Variants in IRAK2 observed in about 807,000 individuals in gnomAD.
IRAK2 encodes interleukin-1 receptor-associated kinase-like 2.
Under a neutral mutation model 72.0 loss-of-function variants are expected in IRAK2, and 57 were observed. That is an observed-to-expected ratio of 0.79 (90% CI 0.64 to 0.99). IRAK2 has a LOEUF of 0.99. IRAK2 is among the 50% of genes least tolerant of loss of function. The probability of loss-of-function intolerance (pLI) is 0.00; values close to 1 mark genes in which losing one functional copy is unlikely to be tolerated. For synonymous variants in IRAK2, 293 were observed against 312.7 expected (o/e 0.94, Z 0.67); for missense variants, 790 against 794.4 (o/e 0.99, Z 0.07).
At chr3:10,240,408 G>A (rs1362723776) in intron 12 of IRAK2, among the ~76,000 whole-genome samples, 1 of 150,712 alleles carries the variant, frequency 6.6e-6, no homozygotes, top group Non-Finnish European at 1.5e-5. Flanking sequence ...AGTGAGCCGA[G>A]ATTGCACCAC....
chr3:10,205,654 T>C (rs1300436771), intron 3 of IRAK2, among the ~76,000 whole-genome samples: 1 of 152,202 alleles, frequency 6.6e-6, no homozygotes, highest in Non-Finnish European at 1.5e-5. Context: ...CGGTTCCCAG[T>C]GTGGGGCCCA....
At chr3:10,177,081 G>A (rs1696888976) in intron 1 of IRAK2, among the ~76,000 whole-genome samples, 2 of 152,134 alleles carry the variant, frequency 1.3e-5, no homozygotes, top group African/African-American at 4.8e-5. Flanking sequence ...GATTACAGGT[G>A]TGAGCCACCA....
intron 2 of IRAK2, among the ~76,000 whole-genome samples, chr3:10,187,322 A>G (rs890411184): frequency 4.6e-5 from 7 of 152,190 alleles, no homozygotes; most frequent in Non-Finnish European, 1.0e-4. Context: ...ACTAGTTGAA[A>G]AATAGTCCTC....
intron 6 of IRAK2, among the ~76,000 whole-genome samples, chr3:10,215,751 T>TATAC (rs1553625301): frequency 7.3e-5 from 11 of 150,026 alleles, no homozygotes; most frequent in African/African-American, 2.7e-4. Flanking sequence ...CTCACATGTG[T>TATAC]ACACACACAC....
At chr3:10,201,644 G>A (rs1202310535) in intron 3 of IRAK2, among the ~76,000 whole-genome samples, 3 of 152,178 alleles carry the variant, frequency 2.0e-5, no homozygotes, top group Admixed American at 1.3e-4. Flanking sequence ...AAGGGCTCAG[G>A]GACAGTTTCC....
intron 1 of IRAK2, among the ~76,000 whole-genome samples, chr3:10,171,352 C>T (rs1696791957): frequency 6.6e-6 from 1 of 152,128 alleles, no homozygotes; most frequent in African/African-American, 2.4e-5. Flanking sequence ...CCATGAAGCA[C>T]CCTCACAGTG....
Position 10,213,490 on chromosome 3 carries a change from T to G in IRAK2, c.730T>G (p.Cys244Gly), listed in dbSNP as rs748878307. 1.2e-6 allele frequency: 2 copies of G among 1,614,076 alleles called. No individual in the cohort carries two copies. Among genetic ancestry groups the G allele is most frequent in the Admixed American group, 1.7e-5 (1 of 60,012 alleles). Residue 244 changes from cysteine (C) to glycine (G), a missense_variant, in exon 6 of 13, where the codon TGT (cysteine) becomes GGT (glycine). Physicochemically the swap from Cys to Gly is radical, Grantham distance 159. Transcript: ENST00000256458. ...CTGATGTCTTTCTCTACAGACAGCC[T>G]GTTCAAGTCCAGGATCAATCGAAAG... ...FVFKKLRETA[C>G]SSPGSIERFF...
chr3:10,200,628 G>C (rs1170173444), intron 3 of IRAK2, 113 bp downstream of exon 3: 2 of 879,690 alleles, frequency 2.3e-6, no homozygotes, highest in Non-Finnish European at 3.3e-6. Context: ...GCTGAGCATG[G>C]TGGCCCATGC....
At chr3:10,212,507 C>T (rs1697536491) in intron 4 of IRAK2, among the ~76,000 whole-genome samples, 1 of 152,160 alleles carries the variant, frequency 6.6e-6, no homozygotes, top group Admixed American at 6.5e-5. Context: ...AGCTCGGCCA[C>T]TGACCAGCTG....
intron 1 of IRAK2, among the ~76,000 whole-genome samples, chr3:10,165,783 T>A (rs953371854): frequency 2.8e-5 from 4 of 141,848 alleles, no homozygotes; most frequent in African/African-American, 1.1e-4. Context: ...CAGGCTGGAG[T>A]GCAGTGGCGC....
intron 3 of IRAK2, among the ~76,000 whole-genome samples, chr3:10,205,369 C>T (rs1385992982): frequency 6.6e-6 from 1 of 152,142 alleles, no homozygotes; most frequent in East Asian, 1.9e-4. Flanking sequence ...AGACCAGAGT[C>T]CATTTCTTTT....
At position 10,200,380 on chromosome 3, in the gene IRAK2, C is replaced by T; in HGVS notation, c.289C>T (p.Pro97Ser). 1.3e-6 allele frequency: 2 copies of T among 1,586,700 alleles called. No individual in the cohort carries two copies. The highest frequency in any genetic ancestry group is 1.7e-6 in the Non-Finnish European group (2 of 1,163,490). Reference protein sequence around the residue: ...AQIILNWKPAPEIRCPIPAFP... With the variant: ...AQIILNWKPASEIRCPIPAFP... ...CACCTTGTTTTCAGGGAAACCGGCT[C>T]CTGAAATCAGGTGTCCCATTCCAGC... Residue 97 changes from proline (P) to serine (S), a missense_variant, in exon 3 of 13, where the codon CCT becomes TCT. Coordinates refer to ENST00000256458, the MANE Select transcript of IRAK2 (RefSeq NM_001570.4).
At chr3:10,226,634 T>C (rs1340135584) in intron 10 of IRAK2, among the ~76,000 whole-genome samples, 1 of 152,052 alleles carries the variant, frequency 6.6e-6, no homozygotes. Context: ...TAATAGCATC[T>C]GGGGCTTGGT....
At chr3:10,184,995 T>TGCTGGGA (rs887893042) in intron 2 of IRAK2, among the ~76,000 whole-genome samples, 1 of 150,772 alleles carries the variant, frequency 6.6e-6, no homozygotes, top group Non-Finnish European at 1.5e-5. Context: ...CCTCCCAAAG[T>TGCTGGGA]GCTGGGATTA....
At chr3:10,211,444 TCGCCAA>T (rs1697519918) in intron 4 of IRAK2, among the ~76,000 whole-genome samples, 2 of 2,364 alleles carry the variant, frequency 8.5e-4, no homozygotes, top group African/African-American at 4.2e-3. Context: ...GTGCCTGGCC[TCGCCAA>T]AAAAAAAAGT....
intron 1 of IRAK2, among the ~76,000 whole-genome samples, chr3:10,172,353 C>T (rs980325193): frequency 1.1e-4 from 16 of 150,522 alleles, no homozygotes; most frequent in Admixed American, 2.0e-4. Context: ...GGCGACAGAG[C>T]GAGACTCCGT....
chr3:10,219,479 C>A (rs937768414), intron 7 of IRAK2, among the ~76,000 whole-genome samples: 2 of 152,000 alleles, frequency 1.3e-5, no homozygotes, highest in East Asian at 3.9e-4. Flanking sequence ...CCACCAGGAC[C>A]GGCTAATTTT....
At chr3:10,226,945 CAAAA>C (rs200295331) in intron 10 of IRAK2, among the ~76,000 whole-genome samples, 28 of 96,786 alleles carry the variant, frequency 2.9e-4, no homozygotes, top group East Asian at 1.0e-3. Flanking sequence ...GACTCCATCT[CAAAA>C]AAAAAAAAAA....
chr3:10,190,426 G>A (rs1299896216), intron 2 of IRAK2, among the ~76,000 whole-genome samples: 2 of 151,236 alleles, frequency 1.3e-5, no homozygotes, highest in Admixed American at 1.3e-4. Flanking sequence ...GACTACTGGC[G>A]CCCACCACCA....
Sources: gnomAD v4.1 joint callset for allele counts (sites outside exome capture counted in the v4.1 genomes callset) on GRCh38, gnomAD v4.1.1 for gene constraint, MANE v1.5 for transcripts, NCBI Gene and HGNC (gene_info 2026-07-23, HGNC 2026-07-21) for gene names.